PPFIBP2: variants seen among roughly 807,000 people sequenced by gnomAD.
The protein encoded by PPFIBP2 is PPFIB scaffold protein 2.
Under a neutral mutation model 118.3 loss-of-function variants are expected in PPFIBP2, and 118 were observed. The observed-to-expected ratio is 1.00, with a 90% CI of 0.86 to 1.16. The LOEUF is 1.16. PPFIBP2 is among the 50% of genes most tolerant of loss of function. PPFIBP2 has a pLI of 0.00. For synonymous variants in PPFIBP2, 414 were observed against 397.4 expected, an observed-to-expected ratio of 1.04 and a Z score of -0.50; for missense variants, 1,195 against 1,073.1, an observed-to-expected ratio of 1.11 and a Z score of -1.59.
chr11:7,545,378 C>T (rs550848081), intron 1 of PPFIBP2, among the ~76,000 whole-genome samples: 31 of 152,220 alleles, frequency 2.0e-4, no homozygotes, highest in Admixed American at 2.0e-3. Context: ...TGCAGTGAGC[C>T]GAGATCATGC....
At chr11:7,623,071 CAG>C (rs1227894895) in intron 7 of PPFIBP2, among the ~76,000 whole-genome samples, 1 of 152,164 alleles carries the variant, frequency 6.6e-6, no homozygotes, top group Non-Finnish European at 1.5e-5. Context: ...GGGAAGGAAA[CAG>C]AGGCTCAGCG....
chr11:7,638,355 C>CT (rs1361480032), intron 14 of PPFIBP2, among the ~76,000 whole-genome samples: 1 of 152,214 alleles, frequency 6.6e-6, no homozygotes, highest in Admixed American at 6.5e-5. Context: ...ATCTCATAGC[C>CT]TTCCTCTCTG....
chr11:7,621,206 T>C (rs1460195781), intron 7 of PPFIBP2, among the ~76,000 whole-genome samples, 179 bp downstream of exon 7: 4 of 152,132 alleles, frequency 2.6e-5, no homozygotes, highest in African/African-American at 9.7e-5. Context: ...AAGATCCTCA[T>C]GGAGAATGCC....
At chr11:7,531,662 G>T (rs557640060) in intron 1 of PPFIBP2, among the ~76,000 whole-genome samples, 4 of 152,140 alleles carry the variant, frequency 2.6e-5, no homozygotes, top group South Asian at 2.1e-4. Flanking sequence ...GCGTGTGTAG[G>T]ATCAAATGGG....
chr11:7,651,069 A>G, intron 22 of PPFIBP2, 104 bp downstream of exon 22: 1 of 1,246,550 alleles, frequency 8.0e-7, no homozygotes, highest in Non-Finnish European at 1.1e-6. Context: ...AAAAATAGGT[A>G]CTTCATCTGG....
chr11:7,641,581 G>A lies in PPFIBP2; in HGVS notation c.1478G>A (p.Gly493Asp). The A allele has an allele frequency of 6.2e-7, 1 of 1,614,066 alleles. No individual in the cohort carries two copies. Among genetic ancestry groups the A allele is most frequent in the Non-Finnish European group, 8.5e-7 (1 of 1,179,882 alleles). The change falls in exon 16 of 24, where the codon GGT becomes GAT. Residue 493 changes from glycine to aspartate, a missense_variant. Physicochemically the swap from Gly to Asp is moderately conservative, Grantham distance 94. Transcript: ENST00000299492. The part of the protein sequence containing the change: ...SGPQSPLTPD[G>D]KRNPKGIKKF... ...CCTCAGTCTCCTCTGACACCAGATG[G>A]TAAACGGAATCCCAAAGGCATTAAG...
intron 14 of PPFIBP2, among the ~76,000 whole-genome samples, chr11:7,639,319 T>TA (rs1377574693): frequency 6.6e-6 from 1 of 152,184 alleles, no homozygotes; most frequent in African/African-American, 2.4e-5. Flanking sequence ...CATATATATG[T>TA]ATGTATGTAT....
intron 14 of PPFIBP2, among the ~76,000 whole-genome samples, chr11:7,638,336 A>G (rs965237464): frequency 6.6e-6 from 1 of 152,176 alleles, no homozygotes; most frequent in Non-Finnish European, 1.5e-5. Context: ...GGTCATCACA[A>G]ACTTGAAAAT....
intron 12 of PPFIBP2, among the ~76,000 whole-genome samples, chr11:7,633,288 A>AGT (rs1851022980): frequency 6.6e-6 from 1 of 152,272 alleles, no homozygotes; most frequent in Admixed American, 6.5e-5. Context: ...CTGCTCTTAG[A>AGT]GTGAATTTAG....
intron 1 of PPFIBP2, among the ~76,000 whole-genome samples, chr11:7,536,881 G>A (rs374985093): frequency 1.4e-4 from 22 of 152,250 alleles, no homozygotes; most frequent in African/African-American, 4.6e-4. Context: ...GAGCCTCCAC[G>A]TTGTCCAGAA....
At chr11:7,576,392 G>A (rs1856322452) in intron 3 of PPFIBP2, 1 of 152,450 alleles carries the variant, frequency 6.6e-6, no homozygotes, top group African/African-American at 2.4e-5. Context: ...GTTTTTAGTG[G>A]GGAGCTCTCA....
Position 7,632,871 on chromosome 11 carries a change from C to T in PPFIBP2, c.1073C>T (p.Pro358Leu). Reference sequence around the variant, plus strand: ...ACTCTTCTGTCTCTGGTGCAGATGCCTCCAAGATGTAGCTCTCCTACAGTG... The same window carrying T: ...ACTCTTCTGTCTCTGGTGCAGATGCTTCCAAGATGTAGCTCTCCTACAGTG... ...DPEELFKQEM[P>L]PRCSSPTVGP... Residue 358 changes from proline (P) to leucine (L), a missense_variant, in exon 12 of 24, where the codon CCT becomes CTT. By Grantham distance (98) the Pro-to-Leu change is moderately conservative (BLOSUM62 -3). Transcript: ENST00000299492. 1.2e-6 allele frequency: 2 copies of T among 1,613,478 alleles called. No homozygotes were observed. Among genetic ancestry groups the T allele is most frequent in the Admixed American group, 1.7e-5 (1 of 60,008 alleles).
chr11:7,608,002 G>GAGTA (rs1471713155), intron 5 of PPFIBP2, among the ~76,000 whole-genome samples: 1 of 152,220 alleles, frequency 6.6e-6, no homozygotes, highest in Non-Finnish European at 1.5e-5. Context: ...AAGGGTAAGA[G>GAGTA]AGTAGGTGGT....
chr11:7,619,205 G>T (rs568062033), intron 6 of PPFIBP2, among the ~76,000 whole-genome samples: 12 of 152,282 alleles, frequency 7.9e-5, no homozygotes, highest in South Asian at 6.2e-4. Context: ...ATATTTAATT[G>T]CAAATTATGT....
rs368902950 is a variant in PPFIBP2 at position 7,579,441 on chromosome 11, G to GT, written c.280-13681dup. Among the ~76,000 whole-genome samples, 47 of 149,926 alleles carry GT rather than the reference G, an allele frequency of 3.1e-4. 1 individual carries two copies. The highest frequency in any genetic ancestry group is 9.7e-4 in the East Asian group (5 of 5,134). On this transcript the variant is annotated intron_variant, in intron 3 of 23. Transcript: ENST00000299492. ...TTGGCAAAGGTTTGCATCATCTTAG[G>GT]TTTTTTTTTTAAGCCCCACTGGGGA...
chr11:7,650,043 G>A lies in PPFIBP2; in HGVS notation c.2121+389G>A, dbSNP rs555134981. Among the ~76,000 whole-genome samples the A allele has an allele frequency of 2.3e-4, 35 of 152,330 alleles. No homozygotes were observed. The South Asian group carries it at 7.1e-3, about 31-fold the overall frequency. ...GTAGAAGCTAGACATTTCAGAATAG[G>A]TATCCCTACTTGTAGATCCAAAATT... is the stretch of plus-strand genomic sequence containing the variant. On this transcript the variant is annotated intron_variant, in intron 21 of 23. Coordinates refer to ENST00000299492, the MANE Select transcript of PPFIBP2 (RefSeq NM_003621.5).
At chr11:7,664,306 C>T in the PPFIBP2 span, among the ~76,000 whole-genome samples, 2 of 152,160 alleles carry the variant, frequency 1.3e-5, no homozygotes, top group East Asian at 3.9e-4. Context: ...TCCAGGTAGA[C>T]AGACTTGAAA....
chr11:7,641,096 G>A, intron 15 of PPFIBP2: 2 of 1,253,472 alleles, frequency 1.6e-6, no homozygotes, highest in Non-Finnish European at 2.1e-6. Context: ...GAGGTGGAGA[G>A]TGAGAATGCC....
At chr11:7,658,199 G>A (rs369382923), downstream of PPFIBP2, among the ~76,000 whole-genome samples, 3 of 151,414 alleles carry the variant, frequency 2.0e-5, no homozygotes, top group East Asian at 3.9e-4. Context: ...ACATTGTGCA[G>A]GTTAGTTACA....
Sources: gnomAD v4.1 joint callset for allele counts (sites outside exome capture counted in the v4.1 genomes callset) on GRCh38, gnomAD v4.1.1 for gene constraint, MANE v1.5 for transcripts, NCBI Gene and HGNC (gene_info 2026-07-23, HGNC 2026-07-21) for gene names.